CUL3: variants seen among roughly 807,000 people sequenced by gnomAD.
The protein encoded by CUL3 is cullin 3.
CUL3 carries 19 observed loss-of-function variants against 89.1 expected under a neutral mutation model. The ratio of observed to expected loss-of-function variants is 0.21; its 90% CI spans 0.15 to 0.31. The LOEUF is 0.31. CUL3 is among the 10% of genes least tolerant of loss of function. CUL3 has a pLI of 1.00. For missense variants in CUL3, 469 were observed against 942.3 expected, an observed-to-expected ratio of 0.50 and a Z score of 6.58; for synonymous variants, 351 against 308.4, an observed-to-expected ratio of 1.14 and a Z score of -1.45.
At position 224,546,289 on chromosome 2, in the gene CUL3, G is replaced by GA. The variant is rs530579270; in HGVS notation, c.265-10649dup. Among the ~76,000 whole-genome samples, 4 of 152,154 alleles carry GA rather than the reference G, an allele frequency of 2.6e-5. No individual in the cohort carries two copies. In the South Asian group the frequency reaches 8.3e-4, roughly 32 times the overall value. On this transcript the variant is annotated intron_variant, in intron 2 of 15. Transcript: ENST00000264414. ...AGTATTTTTGTTCTCGAGTACGATG[G>GA]AAAAAACCACCATGGTTTCTCAAGA...
At chr2:224,481,448 G>T (rs1298027762) in intron 14 of CUL3, among the ~76,000 whole-genome samples, 3 of 151,806 alleles carry the variant, frequency 2.0e-5, no homozygotes, top group African/African-American at 7.3e-5. Flanking sequence ...AAATTAAAGA[G>T]GATATGGGTT....
chr2:224,582,907 A>C (rs1695475272), intron 1 of CUL3, among the ~76,000 whole-genome samples: 2 of 152,194 alleles, frequency 1.3e-5, no homozygotes, highest in Admixed American at 1.3e-4. Flanking sequence ...GGGAAACCTG[A>C]AGAGGTCAAA....
chr2:224,563,219 G>C (rs908831506), intron 1 of CUL3: 4 of 470,514 alleles, frequency 8.5e-6, no homozygotes, highest in African/African-American at 8.0e-5. Context: ...CTTTCTTTTA[G>C]AAAACATTAT....
chr2:224,565,384 G>A (rs757635552), intron 1 of CUL3, among the ~76,000 whole-genome samples: 1 of 152,180 alleles, frequency 6.6e-6, no homozygotes, highest in African/African-American at 2.4e-5. Context: ...TCTTAGGGGT[G>A]GCACAGGCAC....
intron 2 of CUL3, among the ~76,000 whole-genome samples, chr2:224,556,003 T>C (rs1268183085): frequency 1.3e-5 from 2 of 152,158 alleles, no homozygotes; most frequent in East Asian, 1.9e-4. Flanking sequence ...AAGCTGTGCA[T>C]AATAGGCACT....
At chr2:224,493,960 A>C (rs1281706776) in intron 13 of CUL3, among the ~76,000 whole-genome samples, 1 of 152,192 alleles carries the variant, frequency 6.6e-6, no homozygotes, top group Non-Finnish European at 1.5e-5. Context: ...TAATAATAAA[A>C]TAAAAATAAA....
At chr2:224,498,339 G>C (rs1692246875) in intron 11 of CUL3, among the ~76,000 whole-genome samples, 1 of 151,978 alleles carries the variant, frequency 6.6e-6, no homozygotes, top group African/African-American at 2.4e-5. Flanking sequence ...TGTTTTTGTT[G>C]TTCAAAACTG....
rs2106248639 is a variant in CUL3, at chr2:224,527,476, T to C, written c.378+8052A>G. On this transcript the variant is annotated intron_variant, in intron 3 of 15. Transcript: ENST00000264414. ...CGTATAGTATTCATCTAAACTCTGC[T>C]CCTTGCCACCTATTACCTTTGGTTC... Among the ~76,000 whole-genome samples, 2 of 152,216 alleles carry C rather than the reference T, an allele frequency of 1.3e-5. 1 individual carries two copies. The highest frequency in any genetic ancestry group is 3.9e-4 in the East Asian group (2 of 5,192).
chr2:224,500,625 T>TTA, intron 10 of CUL3, 138 bp from the exon 11 acceptor site: 10 of 760,358 alleles, frequency 1.3e-5, no homozygotes, highest in African/African-American at 4.0e-5. Flanking sequence ...AGATTTTCTT[T>TTA]TCTTTTTTTT....
intron 3 of CUL3, among the ~76,000 whole-genome samples, chr2:224,521,808 A>G (rs1693276548): frequency 6.6e-6 from 1 of 151,962 alleles, no homozygotes; most frequent in Non-Finnish European, 1.5e-5. Context: ...AAAAAAAAAA[A>G]GGTTTAACAA....
intron 3 of CUL3, among the ~76,000 whole-genome samples, chr2:224,531,452 A>T (rs13023296): frequency 0.19 from 28,801 of 151,888 alleles, 3,069 homozygotes; most frequent in South Asian, 0.27. Context: ...AAAAACATAC[A>T]ATATAACTCT....
chr2:224,508,472 T>C (rs1692686479), intron 6 of CUL3, among the ~76,000 whole-genome samples: 1 of 152,208 alleles, frequency 6.6e-6, no homozygotes, highest in South Asian at 2.1e-4. Flanking sequence ...AACAAAATGG[T>C]TCACAACTTG....
intron 1 of CUL3, among the ~76,000 whole-genome samples, chr2:224,570,776 A>C (rs542824780): frequency 9.2e-5 from 14 of 152,344 alleles, no homozygotes; most frequent in African/African-American, 3.4e-4. Flanking sequence ...TCATAATGAG[A>C]AAGTTAAATC....
At chr2:224,484,104 G>A (rs553994058) in intron 13 of CUL3, among the ~76,000 whole-genome samples, 3 of 152,040 alleles carry the variant, frequency 2.0e-5, no homozygotes, top group African/African-American at 7.2e-5. Flanking sequence ...CTGGGAGGTC[G>A]AGGTTATAGT....
Position 224,474,369 on chromosome 2 carries a change from T to A in CUL3, c.2183A>T (p.Gln728Leu), listed in dbSNP as rs1211792207. ...TGGTAAGAATCGCGCCTTCAACTGC[T>A]GAGTTACCTAAAAAAGAAAGTAGAT... is the stretch of plus-strand genomic sequence containing the variant. ...QHNVLVAEVT[Q>L]QLKARFLPSP... Residue 728 changes from glutamine to leucine, a missense_variant, in exon 16 of 16, where the codon CAG becomes CTG. Physicochemically the swap from Gln to Leu is moderately radical, Grantham distance 113. Coordinates refer to ENST00000264414, the MANE Select transcript of CUL3 (RefSeq NM_003590.5). 1 of 1,611,030 alleles carries A rather than the reference T, an allele frequency of 6.2e-7. No individual in the cohort carries two copies. Among genetic ancestry groups the A allele is most frequent in the Non-Finnish European group, 8.5e-7 (1 of 1,179,108 alleles).
intron 10 of CUL3, among the ~76,000 whole-genome samples, chr2:224,502,169 G>C (rs1019103418): frequency 3.3e-5 from 5 of 152,116 alleles, no homozygotes; most frequent in Non-Finnish European, 7.4e-5. Flanking sequence ...TCTGGTTTGC[G>C]AGACTATAAG....
At chr2:224,551,068 C>CT (rs771053112) in intron 2 of CUL3, among the ~76,000 whole-genome samples, 221 of 141,310 alleles carry the variant, frequency 1.6e-3, no homozygotes, top group African/African-American at 3.2e-3. Context: ...TAGCCTCCAG[C>CT]TTTTTTTTTT....
rs1405205327 is a variant in CUL3, at chr2:224,584,959, C to A, written c.51G>T (p.Arg17=). 1.1e-5 allele frequency: 17 copies of A among 1,504,962 alleles called. No homozygotes were observed. The South Asian group carries it at 1.9e-4, about 17-fold the overall frequency. The allele number at this position is 1,504,962 out of a possible 1,614,324, so 93.2% of individuals were successfully genotyped here. A position where few individuals can be genotyped will look rare whatever the true frequency, so the allele number is the denominator to read the frequency against. ...AGAGACTCACCGGAAAGGCCCGGAT[C>A]CGCATCTTGGTGTCCTTCCGGCTGC... The part of the protein sequence containing the change: ...GTGSRKDTKM[R]IRAFPMTMDE... The change falls in exon 1 of 16, where the codon CGG becomes CGT. Residue 17 remains arginine, a synonymous_variant. Transcript: ENST00000264414.
At chr2:224,482,272 T>C (rs1286208022) in intron 13 of CUL3, among the ~76,000 whole-genome samples, 194 bp from the exon 14 acceptor site, 2 of 152,126 alleles carry the variant, frequency 1.3e-5, no homozygotes, top group African/African-American at 4.8e-5. Flanking sequence ...GAAAGGGTGA[T>C]TCAAGTTATA....
Sources: allele counts gnomAD v4.1 joint callset (sites outside exome capture counted in the v4.1 genomes callset), GRCh38; gene constraint gnomAD v4.1.1; transcripts MANE v1.5; gene names NCBI Gene and HGNC (gene_info 2026-07-23, HGNC 2026-07-21).